The following DPP6 variants were observed in gnomAD, a reference collection of about 807,000 sequenced individuals.
The protein encoded by DPP6 is dipeptidyl peptidase like 6, also known as A-type potassium channel modulatory protein DPP6.
In DPP6, 69 loss-of-function variants were observed where a neutral mutation model predicts 122.6. The ratio of observed to expected loss-of-function variants is 0.56; its 90% CI spans 0.46 to 0.69. The LOEUF (loss-of-function observed/expected upper bound fraction) is 0.69. DPP6 is among the 30% of genes least tolerant of loss of function. DPP6 has a pLI of 0.00. For synonymous variants in DPP6, 418 were observed against 433.1 expected (o/e 0.97, Z 0.43); for missense variants, 928 against 1,116.9 (o/e 0.83, Z 2.41).
At chr7:154,163,153 C>T (rs942026818) in intron 1 of DPP6, among the ~76,000 whole-genome samples, 3 of 152,048 alleles carry the variant, frequency 2.0e-5, no homozygotes, top group Non-Finnish European at 4.4e-5. Flanking sequence ...AGAATTTATG[C>T]GTTGCTAGTG....
intron 7 of DPP6, among the ~76,000 whole-genome samples, chr7:154,699,957 G>A (rs1357544597): frequency 1.3e-5 from 2 of 152,096 alleles, no homozygotes; most frequent in Admixed American, 1.3e-4. Context: ...ACCTGAAAAG[G>A]GTGTCCTCTT....
At chr7:154,554,994 A>T (rs1191330677) in intron 4 of DPP6, among the ~76,000 whole-genome samples, 3 of 152,204 alleles carry the variant, frequency 2.0e-5, no homozygotes, top group African/African-American at 7.2e-5. Context: ...AAGAATAAAT[A>T]ATTGCTTAAA....
At chr7:154,470,704 T>C (rs1404142407) in intron 2 of DPP6, among the ~76,000 whole-genome samples, 2 of 152,192 alleles carry the variant, frequency 1.3e-5, no homozygotes, top group East Asian at 3.9e-4. Context: ...GCTGGTGAGC[T>C]AACCAGGCCA....
chr7:154,554,201 T>C (rs545402002), intron 4 of DPP6, among the ~76,000 whole-genome samples: 2 of 151,720 alleles, frequency 1.3e-5, no homozygotes, highest in Admixed American at 1.3e-4. Flanking sequence ...GGCCCAAGGG[T>C]TCTGTCTTTC....
intron 7 of DPP6, among the ~76,000 whole-genome samples, chr7:154,706,170 C>T (rs1400111412): frequency 1.3e-5 from 2 of 152,142 alleles, no homozygotes; most frequent in Non-Finnish European, 2.9e-5. Context: ...ATCCTGCGTC[C>T]CCTGCCACTT....
In DPP6 at chr7:154,879,501, A is replaced by G. The variant is rs1181132647; in HGVS notation, c.2079-1387A>G. Among the ~76,000 whole-genome samples the G allele has an allele frequency of 2.2e-5, 3 of 134,414 alleles. 1 individual carries two copies. Among genetic ancestry groups the G allele is most frequent in the African/African-American group, 8.9e-5 (3 of 33,596 alleles). The allele number at this position is 134,414 out of a possible 152,430, so 88.2% of individuals were successfully genotyped here. On this transcript the variant is annotated intron_variant, in intron 20 of 25. Coordinates refer to ENST00000377770, the MANE Select transcript of DPP6 (RefSeq NM_130797.4). ...GCTACTCGGGAGGCTGAGGCAGGAG[A>G]ATGGCGTGAACCCCAGGGGGCGGAG... is the stretch of plus-strand genomic sequence containing the variant.
chr7:154,429,827 C>T (rs781719582), intron 1 of DPP6, among the ~76,000 whole-genome samples: 4 of 152,190 alleles, frequency 2.6e-5, no homozygotes, highest in Non-Finnish European at 5.9e-5. Context: ...TCTTATGTCA[C>T]ATCAGCAATG....
chr7:154,593,646 C>T (rs1459139608), intron 5 of DPP6, among the ~76,000 whole-genome samples: 2 of 152,212 alleles, frequency 1.3e-5, no homozygotes, highest in African/African-American at 4.8e-5. Flanking sequence ...CGGGCTGCAG[C>T]CCCGGAGCCC....
chr7:153,812,909 A>T, the DPP6 span, among the ~76,000 whole-genome samples: 12 of 152,294 alleles, frequency 7.9e-5, no homozygotes, highest in Middle Eastern at 3.4e-3. Context: ...GATTTATTTT[A>T]AAAAAAGAGA....
At chr7:154,469,387 T>A (rs891697649) in intron 2 of DPP6, among the ~76,000 whole-genome samples, 1 of 152,210 alleles carries the variant, frequency 6.6e-6, no homozygotes, top group Non-Finnish European at 1.5e-5. Flanking sequence ...GTATTTTGAG[T>A]AAATCTCACT....
chr7:153,809,206 T>C, the DPP6 span, among the ~76,000 whole-genome samples: 1 of 152,114 alleles, frequency 6.6e-6, no homozygotes, highest in Non-Finnish European at 1.5e-5. Flanking sequence ...TTGGAAGAAA[T>C]GTCTATTCAG....
intron 7 of DPP6, among the ~76,000 whole-genome samples, chr7:154,675,283 C>T (rs1838828907): frequency 6.6e-6 from 1 of 151,960 alleles, no homozygotes; most frequent in African/African-American, 2.4e-5. Context: ...GTGCAGCAAG[C>T]CAACATAGCA....
At chr7:154,824,689 C>T (rs1336982813) in intron 16 of DPP6, among the ~76,000 whole-genome samples, 3 of 152,134 alleles carry the variant, frequency 2.0e-5, no homozygotes, top group African/African-American at 7.2e-5. Context: ...AGAATCAGTC[C>T]CAAACTTAAT....
At chr7:154,081,552 G>T (rs377343705) in intron 1 of DPP6, among the ~76,000 whole-genome samples, 2 of 146,638 alleles carry the variant, frequency 1.4e-5, no homozygotes, top group South Asian at 2.2e-4. Flanking sequence ...GGAGGGAGCG[G>T]TCACTGTGGC....
intron 11 of DPP6, 129 bp downstream of exon 11, chr7:154,794,331 G>T: frequency 7.3e-7 from 1 of 1,367,450 alleles, no homozygotes; most frequent in Middle Eastern, 2.7e-4. Flanking sequence ...GCTGCTGCGG[G>T]GAGCCCGCGG....
upstream of DPP6, among the ~76,000 whole-genome samples, chr7:154,051,430 G>A (rs56063834): frequency 0.24 from 36,384 of 150,792 alleles, 4,889 homozygotes; most frequent in African/African-American, 0.36. Flanking sequence ...GAAGGGAGCC[G>A]GGGAGGACGC....
chr7:154,493,024 C>G (rs762012244), intron 3 of DPP6, among the ~76,000 whole-genome samples: 1 of 152,130 alleles, frequency 6.6e-6, no homozygotes, highest in Non-Finnish European at 1.5e-5. Flanking sequence ...GGGTTAAACT[C>G]GAGATTCCTT....
chr7:154,349,613 G>C (rs1810682783), intron 1 of DPP6, among the ~76,000 whole-genome samples: 1 of 152,204 alleles, frequency 6.6e-6, no homozygotes, highest in Admixed American at 6.5e-5. Flanking sequence ...AAATGGACTT[G>C]TGTTTATAGG....
intron 1 of DPP6, among the ~76,000 whole-genome samples, chr7:154,442,337 G>C (rs745826118): frequency 7.2e-5 from 11 of 152,144 alleles, no homozygotes; most frequent in Non-Finnish European, 1.6e-4. Context: ...ATTAATAGTG[G>C]AACAGTGTTA....
Sources: allele counts gnomAD v4.1 joint callset (sites outside exome capture counted in the v4.1 genomes callset), GRCh38; gene constraint gnomAD v4.1.1; transcripts MANE v1.5; gene names NCBI Gene and HGNC (gene_info 2026-07-23, HGNC 2026-07-21).